The following VCL variants were observed in gnomAD, a reference collection of about 807,000 sequenced individuals.
The protein encoded by VCL is vinculin.
In VCL, 47 loss-of-function variants were observed where a neutral mutation model predicts 125.7. That is an observed-to-expected ratio of 0.37 (90% CI 0.30 to 0.48). VCL has a LOEUF of 0.48. Among genes scored for constraint, VCL ranks in the 20% least tolerant of loss-of-function variants. The probability of loss-of-function intolerance (pLI) is 0.99; values close to 1 mark genes in which losing one functional copy is unlikely to be tolerated. For missense variants in VCL, 1,069 were observed against 1,455.5 expected (o/e 0.73, Z 4.32); for synonymous variants, 458 against 514.6 (o/e 0.89, Z 1.49).
Position 74,107,109 on chromosome 10 carries a change from C to T in VCL, c.2435-121C>T, listed in dbSNP as rs546117981. On this transcript the variant is annotated intron_variant, in intron 16 of 21. Coordinates refer to ENST00000211998, the MANE Select transcript of VCL (RefSeq NM_014000.3). ...CCTCCCCCCTTCTTCAATCACTGCC[C>T]GTGATATTTACTGGCAGCTTCACAT... The T allele has an allele frequency of 2.5e-4, 382 of 1,508,740 alleles. 3 individuals carry two copies. In the African/African-American group the frequency reaches 4.1e-3, roughly 16 times the overall value. The allele number at this position is 1,508,740 out of a possible 1,614,324, so 93.5% of individuals were successfully genotyped here.
At chr10:74,030,885 C>CA (rs1027622761) in intron 1 of VCL, among the ~76,000 whole-genome samples, 1 of 152,070 alleles carries the variant, frequency 6.6e-6, no homozygotes, top group Non-Finnish European at 1.5e-5. Context: ...ATTTTTCACA[C>CA]AAAAAAATTG....
intron 2 of VCL, among the ~76,000 whole-genome samples, chr10:74,055,540 T>G (rs1305667033): frequency 6.6e-6 from 1 of 151,868 alleles, no homozygotes; most frequent in Non-Finnish European, 1.5e-5. Flanking sequence ...ATTTTTTTTT[T>G]TTTAGAGATG....
chr10:74,039,005 A>G (rs1841039078), intron 1 of VCL, among the ~76,000 whole-genome samples: 4 of 151,898 alleles, frequency 2.6e-5, no homozygotes, highest in Admixed American at 2.6e-4. Context: ...TCCGCCTCCC[A>G]GGTTCAAGCG....
At chr10:74,061,466 AT>A (rs923598815) in intron 2 of VCL, among the ~76,000 whole-genome samples, 6 of 151,866 alleles carry the variant, frequency 4.0e-5, no homozygotes, top group Non-Finnish European at 8.8e-5. Flanking sequence ...CATTCTTGTC[AT>A]TTTTTTTCCA....
chr10:74,018,842 C>A (rs148955799), intron 1 of VCL, among the ~76,000 whole-genome samples: 1 of 152,280 alleles, frequency 6.6e-6, no homozygotes, highest in Non-Finnish European at 1.5e-5. Context: ...CTTAAGAAAC[C>A]CAATGTCTTG....
intron 1 of VCL, among the ~76,000 whole-genome samples, chr10:74,021,255 G>T (rs1840660684): frequency 6.6e-6 from 1 of 152,046 alleles, no homozygotes; most frequent in African/African-American, 2.4e-5. Context: ...TCATGAATTA[G>T]AACTAATTGT....
chr10:74,003,082 A>G (rs1591644679), intron 1 of VCL, among the ~76,000 whole-genome samples: 1 of 151,722 alleles, frequency 6.6e-6, no homozygotes, highest in East Asian at 1.9e-4. Context: ...TTATTTATTT[A>G]TTTATCTTGA....
At chr10:74,085,790 T>C (rs900922642) in intron 8 of VCL, among the ~76,000 whole-genome samples, 11 of 152,196 alleles carry the variant, frequency 7.2e-5, no homozygotes, top group African/African-American at 2.2e-4. Context: ...CTACATGCAG[T>C]GCACCATTAT....
intron 1 of VCL, among the ~76,000 whole-genome samples, chr10:74,002,331 G>A (rs533834413): frequency 1.4e-4 from 21 of 150,508 alleles, no homozygotes; most frequent in African/African-American, 4.4e-4. Context: ...CTCCATGTTG[G>A]TTAGGCTGGT....
At chr10:74,103,020 C>G (rs1019393492) in intron 14 of VCL, among the ~76,000 whole-genome samples, 1 of 152,166 alleles carries the variant, frequency 6.6e-6, no homozygotes, top group Admixed American at 6.5e-5. Flanking sequence ...GCGTCCACCA[C>G]CATACCCGGC....
At chr10:74,108,459 A>G (rs1840171254) in intron 17 of VCL, among the ~76,000 whole-genome samples, 1 of 150,692 alleles carries the variant, frequency 6.6e-6, no homozygotes, top group South Asian at 2.1e-4. Context: ...CCAAAACAGT[A>G]GCTGCAAGCC....
Position 74,106,488 on chromosome 10 carries a change from T to A in VCL, c.2435-742T>A, listed in dbSNP as rs564056744. Among the ~76,000 whole-genome samples, 4 of 152,302 alleles carry A rather than the reference T, an allele frequency of 2.6e-5. No individual in the cohort carries two copies. The South Asian group carries it at 8.3e-4, about 32-fold the overall frequency. ...TTTAGGTGAATTTTGATCATATTTT[T>A]GGTACTACCATGGCAGATCATAATT... On this transcript the variant is annotated intron_variant, in intron 16 of 21. Transcript: ENST00000211998.
intron 8 of VCL, among the ~76,000 whole-genome samples, chr10:74,084,997 A>C (rs183871741): frequency 1.3e-5 from 2 of 152,026 alleles, no homozygotes; most frequent in Admixed American, 1.3e-4. Flanking sequence ...GTAACTTTGA[A>C]CTCCTGGGCT....
At chr10:74,105,655 C>A (rs1356228187) in intron 16 of VCL, among the ~76,000 whole-genome samples, 2 of 152,160 alleles carry the variant, frequency 1.3e-5, no homozygotes. Context: ...CTTCTGGGTT[C>A]TAGCGATTCT....
At chr10:74,000,033 G>C (rs1840198142) in intron 1 of VCL, among the ~76,000 whole-genome samples, 1 of 152,168 alleles carries the variant, frequency 6.6e-6, no homozygotes, top group South Asian at 2.1e-4. Context: ...GTTGCACTTG[G>C]AACAGAGCTA....
intron 2 of VCL, among the ~76,000 whole-genome samples, chr10:74,057,210 G>T (rs143291050): frequency 4.9e-4 from 74 of 151,930 alleles, no homozygotes; most frequent in African/African-American, 1.5e-3. Context: ...CTCCCAAAGC[G>T]CTGGGATTAT....
intron 19 of VCL, among the ~76,000 whole-genome samples, chr10:74,113,394 C>A (rs1263574387): frequency 6.6e-6 from 1 of 152,098 alleles, no homozygotes; most frequent in Non-Finnish European, 1.5e-5. Context: ...TTTCCTAATG[C>A]CTTCTCTTGC....
rs1841665059 is a variant in VCL, at chr10:74,071,590, C to A, written c.499+507C>A. On this transcript the variant is annotated intron_variant, in intron 4 of 21. Coordinates refer to ENST00000211998, the MANE Select transcript of VCL (RefSeq NM_014000.3). The surrounding 1 kb of genome is among the most constrained non-coding windows in gnomAD (Gnocchi z 4.1). ...TGAAATGATTATTCAGGCATCTGAG[C>A]ATTAAATATTCAAAATATATAAACG... Among the ~76,000 whole-genome samples the A allele has an allele frequency of 1.3e-5, 2 of 152,178 alleles. No individual in the cohort carries two copies. The highest frequency in any genetic ancestry group is 4.8e-5 in the African/African-American group (2 of 41,440).
intron 8 of VCL, among the ~76,000 whole-genome samples, chr10:74,084,911 C>T (rs1839744781): frequency 6.6e-6 from 1 of 151,942 alleles, no homozygotes; most frequent in Non-Finnish European, 1.5e-5. Flanking sequence ...CATGCCCGGC[C>T]AAATTTTTTA....
Sources: allele counts gnomAD v4.1 joint callset (sites outside exome capture counted in the v4.1 genomes callset), GRCh38; gene constraint gnomAD v4.1.1; non-coding constraint Gnocchi (gnomAD v3.1); transcripts MANE v1.5; gene names NCBI Gene and HGNC (gene_info 2026-07-23, HGNC 2026-07-21).